TENM3: variants seen among roughly 807,000 people sequenced by gnomAD.
TENM3 encodes the protein teneurin-3.
A neutral mutation model predicts 255.1 loss-of-function variants in TENM3; 63 were observed. The observed-to-expected ratio is 0.25, with a 90% CI of 0.20 to 0.30. TENM3 has a LOEUF of 0.30. Among genes scored for constraint, TENM3 ranks in the 10% least tolerant of loss-of-function variants. The pLI, the probability that TENM3 is intolerant of heterozygous loss-of-function variation, is 1.00. For synonymous variants in TENM3, 1,306 were observed against 1,322.3 expected (o/e 0.99, Z 0.27); for missense variants, 2,929 against 3,461.1 (o/e 0.85, Z 3.86).
intron 1 of TENM3, among the ~76,000 whole-genome samples, chr4:182,152,611 C>A (rs552781324): frequency 1.1e-4 from 16 of 151,836 alleles, no homozygotes; most frequent in African/African-American, 3.6e-4. Flanking sequence ...TTTTAATAAA[C>A]AATATTGATA....
chr4:182,443,123 A>C (rs559223942), intron 3 of TENM3, among the ~76,000 whole-genome samples: 1 of 152,148 alleles, frequency 6.6e-6, no homozygotes, highest in East Asian at 1.9e-4. Flanking sequence ...AAACAATTCA[A>C]TCATCTTTAT....
the TENM3 span, among the ~76,000 whole-genome samples, chr4:181,882,407 C>T: frequency 1.3e-5 from 2 of 152,166 alleles, no homozygotes; most frequent in African/African-American, 4.8e-5. Context: ...AATGTTGGAA[C>T]TTCCATTTCA....
chr4:182,364,563 CCCA>C (rs1160421458), intron 3 of TENM3, among the ~76,000 whole-genome samples: 20 of 152,114 alleles, frequency 1.3e-4, no homozygotes, highest in African/African-American at 4.8e-4. Flanking sequence ...ACTACGGGCG[CCCA>C]CCACCACGCC....
At chr4:182,280,700 A>G (rs1323103041) in intron 1 of TENM3, among the ~76,000 whole-genome samples, 1 of 152,184 alleles carries the variant, frequency 6.6e-6, no homozygotes, top group African/African-American at 2.4e-5. Flanking sequence ...TGTGCTGATT[A>G]CATCTGTGCC....
chr4:182,608,071 A>G (rs1423113678), intron 4 of TENM3, among the ~76,000 whole-genome samples: 1 of 152,176 alleles, frequency 6.6e-6, no homozygotes, highest in Non-Finnish European at 1.5e-5. Flanking sequence ...GGCTTTTTAA[A>G]AATACCATTC....
At chr4:181,981,978 A>G in the TENM3 span, among the ~76,000 whole-genome samples, 62 of 152,288 alleles carry the variant, frequency 4.1e-4, no homozygotes, top group Admixed American at 2.0e-3. Context: ...TTGAGGTGGT[A>G]TACGTGGGAA....
At chr4:182,069,686 AAC>A in the TENM3 span, among the ~76,000 whole-genome samples, 7,688 of 149,480 alleles carry the variant, frequency 0.051, 197 homozygotes, top group Middle Eastern at 0.086. Context: ...TAGATGCATA[AAC>A]ACACACACAC....
the TENM3 span, among the ~76,000 whole-genome samples, chr4:181,700,197 T>A: frequency 6.7e-6 from 1 of 148,514 alleles, no homozygotes; most frequent in Non-Finnish European, 1.5e-5. Context: ...AACGTCAGCA[T>A]TTCTAAGTTT....
the TENM3 span, among the ~76,000 whole-genome samples, chr4:181,625,006 G>A: frequency 1.4e-4 from 21 of 151,902 alleles, no homozygotes; most frequent in South Asian, 8.4e-4. Context: ...AGTGAAAGCC[G>A]AAAGCCTTCT....
the TENM3 span, among the ~76,000 whole-genome samples, chr4:181,932,628 C>A: frequency 6.6e-6 from 1 of 152,092 alleles, no homozygotes; most frequent in Non-Finnish European, 1.5e-5. Context: ...GATCTAGAAC[C>A]AGAAATACCA....
At chr4:181,459,813 CTA>C in the TENM3 span, among the ~76,000 whole-genome samples, 1 of 151,870 alleles carries the variant, frequency 6.6e-6, no homozygotes, top group African/African-American at 2.4e-5. Flanking sequence ...CTTTGCATTG[CTA>C]TATAAGTTTT....
At chr4:182,373,580 C>T (rs189900133) in intron 3 of TENM3, among the ~76,000 whole-genome samples, 2 of 152,276 alleles carry the variant, frequency 1.3e-5, no homozygotes, top group East Asian at 3.9e-4. Context: ...TGAGAACTCA[C>T]TCATCACCAA....
intron 3 of TENM3, among the ~76,000 whole-genome samples, chr4:182,559,722 C>T (rs1342395711): frequency 1.3e-5 from 2 of 151,958 alleles, no homozygotes; most frequent in African/African-American, 4.8e-5. Flanking sequence ...TTTCTTTACA[C>T]CTCTTGCTTT....
the TENM3 span, among the ~76,000 whole-genome samples, chr4:181,464,364 T>C: frequency 6.6e-6 from 1 of 152,202 alleles, no homozygotes; most frequent in South Asian, 2.1e-4. Flanking sequence ...TGTAGTGGTG[T>C]CTCATTGTTT....
At chr4:182,414,809 A>T (rs1770248118) in intron 3 of TENM3, among the ~76,000 whole-genome samples, 1 of 152,226 alleles carries the variant, frequency 6.6e-6, no homozygotes, top group African/African-American at 2.4e-5. Context: ...TCACAGACAC[A>T]TGCACGTGCA....
chr4:181,647,480 C>T, the TENM3 span, among the ~76,000 whole-genome samples: 2 of 152,244 alleles, frequency 1.3e-5, no homozygotes, highest in Admixed American at 1.3e-4. Flanking sequence ...CAAAAGGGTG[C>T]AATATGTGTG....
At chr4:181,748,987 T>C in the TENM3 span, among the ~76,000 whole-genome samples, 3 of 152,118 alleles carry the variant, frequency 2.0e-5, no homozygotes, top group Non-Finnish European at 4.4e-5. Context: ...TTAGAGGACA[T>C]TTATTATAAT....
the TENM3 span, among the ~76,000 whole-genome samples, chr4:181,645,187 A>T: frequency 2.6e-5 from 4 of 152,208 alleles, no homozygotes; most frequent in African/African-American, 7.2e-5. Context: ...AAAAATCTCC[A>T]ATAGGGAGAG....
At chr4:181,839,635 T>C in the TENM3 span, among the ~76,000 whole-genome samples, 2 of 151,050 alleles carry the variant, frequency 1.3e-5, no homozygotes, top group African/African-American at 4.9e-5. Context: ...CTCAATACTT[T>C]AAAAAAATCG....
Sources: gnomAD v4.1 joint callset for allele counts (sites outside exome capture counted in the v4.1 genomes callset) on GRCh38, gnomAD v4.1.1 for gene constraint, MANE v1.5 for transcripts, NCBI Gene and HGNC (gene_info 2026-07-23, HGNC 2026-07-21) for gene names.